KRIT1: variants seen among roughly 807,000 people sequenced by gnomAD.
KRIT1 encodes KRIT1 ankyrin repeat containing.
Under a neutral mutation model 95.8 loss-of-function variants are expected in KRIT1, and 45 were observed. That is an observed-to-expected ratio of 0.47 (90% CI 0.37 to 0.60). The LOEUF (loss-of-function observed/expected upper bound fraction) is 0.60, where lower values mean the gene tolerates loss of function less well. Among genes scored for constraint, KRIT1 ranks in the 20% least tolerant of loss-of-function variants. The probability of loss-of-function intolerance (pLI) is 0.00; values close to 1 mark genes in which losing one functional copy is unlikely to be tolerated. For synonymous variants in KRIT1, 282 were observed against 278.8 expected (o/e 1.01, Z -0.11); for missense variants, 788 against 877.5 (o/e 0.90, Z 1.29).
At chr7:92,240,568 T>C (rs921723267) in intron 5 of KRIT1, among the ~76,000 whole-genome samples, 2 of 152,186 alleles carry the variant, frequency 1.3e-5, no homozygotes, top group African/African-American at 4.8e-5. Flanking sequence ...ACAATTCAGT[T>C]TGACTTTCTG....
chr7:92,215,851 T>C (rs997242457), intron 14 of KRIT1, among the ~76,000 whole-genome samples: 1 of 152,032 alleles, frequency 6.6e-6, no homozygotes, highest in Admixed American at 6.6e-5. Flanking sequence ...TTCCTACTTG[T>C]ACAAAGTCAC....
chr7:92,213,337 T>C lies in KRIT1; in HGVS notation c.1883A>G (p.Asn628Ser). Residue 628 changes from asparagine (N) to serine (S), a missense_variant, in exon 17 of 19, where the codon AAT becomes AGT. Coordinates refer to ENST00000394505, the MANE Select transcript of KRIT1 (RefSeq NM_194454.3). ...TCCATAAGTAGGAATTTCCCAGCAA[T>C]TCTGTAAGAACATGCGCTGAAGGTG... ...MHHLQRMFLQ[N>S]CWEIPTYGAA... is the part of the protein sequence containing the mutation. The C allele has an allele frequency of 6.2e-7, 1 of 1,613,788 alleles. No individual in the cohort carries two copies. The highest frequency in any genetic ancestry group is 8.5e-7 in the Non-Finnish European group (1 of 1,179,758).
chr7:92,225,765 G>A lies in KRIT1; in HGVS notation c.1209C>T (p.Asn403=). ...TCAACAATTTTGCAGCTTCTTCCCA[G>A]TTGTTTTGTTTGTTTTCTTCACAAA... ...LNICEENKQN[N]WEEAAKLLKE... The change falls in exon 12 of 19, where the codon AAC becomes AAT. Residue 403 remains asparagine, a synonymous_variant. Transcript: ENST00000394505. 1 of 1,610,874 alleles carries A rather than the reference G, an allele frequency of 6.2e-7. No homozygotes were observed. The highest frequency in any genetic ancestry group is 8.5e-7 in the Non-Finnish European group (1 of 1,177,394).
At chr7:92,215,986 T>C (rs1450837723) in intron 14 of KRIT1, among the ~76,000 whole-genome samples, 1 of 151,958 alleles carries the variant, frequency 6.6e-6, no homozygotes. Context: ...TCCTAGCACT[T>C]TGGGAGGCCG....
At chr7:92,225,049 C>T (rs928297045) in intron 12 of KRIT1, among the ~76,000 whole-genome samples, 16 of 151,728 alleles carry the variant, frequency 1.1e-4, no homozygotes, top group African/African-American at 3.1e-4. Flanking sequence ...CCCAGCTACT[C>T]GGGAGGCTGA....
At chr7:92,225,894 A>G (rs547708837) in intron 11 of KRIT1, 67 bp from the exon 12 acceptor site, 21 of 823,620 alleles carry the variant, frequency 2.5e-5, no homozygotes, top group African/African-American at 1.5e-4. Context: ...GGAAAATGTC[A>G]TCCAATTAAT....
intron 14 of KRIT1, among the ~76,000 whole-genome samples, chr7:92,220,426 T>C (rs1468575171): frequency 6.6e-6 from 1 of 152,190 alleles, no homozygotes; most frequent in Non-Finnish European, 1.5e-5. Flanking sequence ...ATCTACTCTA[T>C]CTTTGGCTTG....
chr7:92,235,085 C>T lies in KRIT1; in HGVS notation c.730-162G>A, dbSNP rs903001916. The stretch of plus-strand genomic sequence containing the variant: ...TGCGATCTCAGCACACTGCAACCTC[C>T]GCCTCCCAGGTTCAAGCGATTCTCC... On this transcript the variant is annotated intron_variant, in intron 8 of 18. Coordinates refer to ENST00000394505, the MANE Select transcript of KRIT1 (RefSeq NM_194454.3). Among the ~76,000 whole-genome samples the T allele has an allele frequency of 3.3e-5, 5 of 152,096 alleles. No individual in the cohort carries two copies. The South Asian group carries it at 6.2e-4, about 19-fold the overall frequency.
intron 17 of KRIT1, among the ~76,000 whole-genome samples, chr7:92,211,324 G>A (rs1304924096): frequency 6.6e-6 from 1 of 152,148 alleles, no homozygotes; most frequent in African/African-American, 2.4e-5. Context: ...TATGCACAAT[G>A]AAATATTATT....
At chr7:92,225,547 C>T (rs1185431263) in intron 12 of KRIT1, among the ~76,000 whole-genome samples, 173 bp downstream of exon 12, 2 of 152,126 alleles carry the variant, frequency 1.3e-5, no homozygotes, top group Admixed American at 1.3e-4. Flanking sequence ...CCTGCCTCAG[C>T]CTCCCAAAGT....
intron 14 of KRIT1, among the ~76,000 whole-genome samples, chr7:92,217,747 C>T (rs1231303023): frequency 6.6e-6 from 1 of 152,048 alleles, no homozygotes; most frequent in Non-Finnish European, 1.5e-5. Flanking sequence ...TGTTTGAGTC[C>T]TTGTTTTCAA....
intron 8 of KRIT1, among the ~76,000 whole-genome samples, 179 bp from the exon 9 acceptor site, chr7:92,235,102 C>A (rs1285555784): frequency 2.6e-5 from 4 of 152,078 alleles, no homozygotes; most frequent in Non-Finnish European, 5.9e-5. Flanking sequence ...CAGGTTCAAG[C>A]GATTCTCCTG....
chr7:92,208,876 AC>A (rs75121670), intron 17 of KRIT1, among the ~76,000 whole-genome samples: 17,271 of 68,112 alleles, frequency 0.25, 1,123 homozygotes, highest in East Asian at 0.5. Flanking sequence ...ACAAAACCAG[AC>A]AAGGACACAA....
chr7:92,239,542 G>C (rs928152546), intron 5 of KRIT1, among the ~76,000 whole-genome samples: 4 of 152,096 alleles, frequency 2.6e-5, no homozygotes, highest in African/African-American at 9.7e-5. Context: ...CATCCAAAGA[G>C]AGTCTTCACA....
intron 10 of KRIT1, among the ~76,000 whole-genome samples, chr7:92,230,223 T>C (rs1346328418): frequency 6.6e-6 from 1 of 152,136 alleles, no homozygotes; most frequent in Admixed American, 6.6e-5. Flanking sequence ...TGGAGCTTGA[T>C]GCAGTTAACT....
intron 5 of KRIT1, among the ~76,000 whole-genome samples, chr7:92,238,669 G>T (rs577257994): frequency 2.9e-4 from 44 of 152,248 alleles, no homozygotes; most frequent in Admixed American, 7.8e-4. Context: ...CTGCCTTGCT[G>T]TTTCCCCAAA....
intron 17 of KRIT1, among the ~76,000 whole-genome samples, chr7:92,208,914 T>A (rs996722277): frequency 2.0e-5 from 3 of 151,486 alleles, no homozygotes; most frequent in African/African-American, 4.9e-5. Context: ...AGTCCAACAG[T>A]CCTGAAAAAC....
chr7:92,235,701 GAT>G, intron 7 of KRIT1, 55 bp from the exon 8 acceptor site: 3 of 1,566,024 alleles, frequency 1.9e-6, no homozygotes, highest in Non-Finnish European at 2.6e-6. Flanking sequence ...AGATGAAAAA[GAT>G]AGATTACTAT....
chr7:92,224,843 T>C (rs1373309192), intron 12 of KRIT1, among the ~76,000 whole-genome samples: 1 of 152,156 alleles, frequency 6.6e-6, no homozygotes, highest in African/African-American at 2.4e-5. Context: ...TATAGGGATA[T>C]GTGACAATGA....
Sources: gnomAD v4.1 joint callset for allele counts (sites outside exome capture counted in the v4.1 genomes callset) on GRCh38, gnomAD v4.1.1 for gene constraint, MANE v1.5 for transcripts, NCBI Gene and HGNC (gene_info 2026-07-23, HGNC 2026-07-21) for gene names.